PTPRG: variants seen among roughly 807,000 people sequenced by gnomAD.
PTPRG encodes the protein protein tyrosine phosphatase receptor type G, also known as receptor-type tyrosine-protein phosphatase gamma.
A neutral mutation model predicts 165.3 loss-of-function variants in PTPRG; 102 were observed. The ratio of observed to expected loss-of-function variants is 0.62; its 90% CI spans 0.53 to 0.73. The LOEUF is 0.73. PTPRG is among the 30% of genes least tolerant of loss of function. The pLI, the probability that PTPRG is intolerant of heterozygous loss-of-function variation, is 0.00. For synonymous variants in PTPRG, 675 were observed against 669.5 expected (o/e 1.01, Z -0.13); for missense variants, 1,866 against 1,861.4 (o/e 1.00, Z -0.05).
At chr3:62,114,363 A>C (rs1234556777) in intron 5 of PTPRG, among the ~76,000 whole-genome samples, 1 of 152,158 alleles carries the variant, frequency 6.6e-6, no homozygotes, top group Non-Finnish European at 1.5e-5. Context: ...ACTCAGTTTT[A>C]ATTTTGAAAG....
intron 1 of PTPRG, among the ~76,000 whole-genome samples, chr3:61,619,293 A>C (rs902638594): frequency 6.6e-6 from 1 of 152,174 alleles, no homozygotes; most frequent in African/African-American, 2.4e-5. Context: ...ATGGAGTTCT[A>C]TATACATACA....
At chr3:62,081,917 C>T (rs1316747290) in intron 5 of PTPRG, among the ~76,000 whole-genome samples, 1 of 152,168 alleles carries the variant, frequency 6.6e-6, no homozygotes, top group Non-Finnish European at 1.5e-5. Flanking sequence ...CTATTCGATG[C>T]CAGGAGTGGT....
chr3:61,737,884 T>C (rs1461830402), intron 1 of PTPRG, among the ~76,000 whole-genome samples: 1 of 150,892 alleles, frequency 6.6e-6, no homozygotes, highest in Non-Finnish European at 1.5e-5. Context: ...CACATTTTGC[T>C]AGAGGTTGTG....
At chr3:61,736,977 C>CCTGAAGGATCCTGACTTGGTGCAT (rs1217590415) in intron 1 of PTPRG, among the ~76,000 whole-genome samples, 21 of 152,250 alleles carry the variant, frequency 1.4e-4, no homozygotes, top group Non-Finnish European at 2.4e-4. Context: ...CCTTTAAGGT[C>CCTGAAGGATCCTGACTTGGTGCAT]CTGAAGGATC....
In PTPRG at chr3:61,779,103, A is replaced by G. The variant is rs532443263; in HGVS notation, c.190+30121A>G. Among the ~76,000 whole-genome samples, 121 of 152,268 alleles carry G rather than the reference A, an allele frequency of 7.9e-4. 1 individual carries two copies. The South Asian group carries it at 9.3e-3, about 12-fold the overall frequency. On this transcript the variant is annotated intron_variant, in intron 2 of 29. Coordinates refer to ENST00000474889, the MANE Select transcript of PTPRG (RefSeq NM_002841.4). ...ACGTTCTAAGGGAGGGAAGTTTGCA[A>G]AATTTTAGTTTACCTTTGAAGTTAC...
intron 2 of PTPRG, among the ~76,000 whole-genome samples, chr3:61,964,229 G>T (rs553184897): frequency 1.3e-5 from 2 of 152,204 alleles, no homozygotes; most frequent in Non-Finnish European, 2.9e-5. Flanking sequence ...TCACTAAAGT[G>T]GTTTGGAGAC....
chr3:61,726,988 A>G (rs2032288953), intron 1 of PTPRG, among the ~76,000 whole-genome samples: 1 of 151,186 alleles, frequency 6.6e-6, no homozygotes, highest in African/African-American at 2.4e-5. Flanking sequence ...CGGAGCTTGC[A>G]GTGAGCCGAG....
intron 1 of PTPRG, among the ~76,000 whole-genome samples, chr3:61,572,707 T>A (rs1700084955): frequency 6.6e-6 from 1 of 152,082 alleles, no homozygotes; most frequent in South Asian, 2.1e-4. Flanking sequence ...GTGGGGTTAC[T>A]CTTGAAAAAT....
chr3:61,741,887 A>G (rs2033001110), intron 1 of PTPRG, among the ~76,000 whole-genome samples: 1 of 152,216 alleles, frequency 6.6e-6, no homozygotes, highest in African/African-American at 2.4e-5. Context: ...ACAGTAAGAC[A>G]TTCATTGTAC....
chr3:62,059,119 T>A (rs911624293), intron 4 of PTPRG, among the ~76,000 whole-genome samples: 12 of 152,316 alleles, frequency 7.9e-5, no homozygotes, highest in Middle Eastern at 3.4e-3. Context: ...AGCAGTTTCT[T>A]AACCTTCCTA....
At chr3:62,265,908 C>T (rs1701858010) in intron 17 of PTPRG, among the ~76,000 whole-genome samples, 1 of 150,984 alleles carries the variant, frequency 6.6e-6, no homozygotes, top group East Asian at 1.9e-4. Context: ...CACACACACA[C>T]ACACACACAC....
intron 4 of PTPRG, among the ~76,000 whole-genome samples, chr3:62,023,568 C>T (rs533869671): frequency 2.6e-5 from 4 of 152,140 alleles, no homozygotes; most frequent in African/African-American, 9.7e-5. Flanking sequence ...ACTTTCCTCT[C>T]TAGCCATCAT....
chr3:61,602,164 A>G (rs1434167951), intron 1 of PTPRG, among the ~76,000 whole-genome samples: 1 of 151,412 alleles, frequency 6.6e-6, no homozygotes, highest in Admixed American at 6.6e-5. Flanking sequence ...TTTTTTTTTA[A>G]ATTTTTAATT....
At chr3:61,621,615 T>C (rs1379227590) in intron 1 of PTPRG, among the ~76,000 whole-genome samples, 1 of 152,234 alleles carries the variant, frequency 6.6e-6, no homozygotes, top group Non-Finnish European at 1.5e-5. Flanking sequence ...TCTTCCTTTA[T>C]TCGTGCCAGG....
At chr3:62,180,743 C>T (rs1705614075) in intron 8 of PTPRG, among the ~76,000 whole-genome samples, 1 of 152,166 alleles carries the variant, frequency 6.6e-6, no homozygotes, top group Non-Finnish European at 1.5e-5. Flanking sequence ...CTTTCCTGCA[C>T]AGGACATGGA....
chr3:61,812,398 A>C (rs1209948339), intron 2 of PTPRG, among the ~76,000 whole-genome samples: 1 of 152,122 alleles, frequency 6.6e-6, no homozygotes, highest in Non-Finnish European at 1.5e-5. Flanking sequence ...GTATGTAATA[A>C]TCTTTCACAC....
rs549634527 is a variant in PTPRG, at chr3:61,643,624, A to G, written c.85+81252A>G. 6.4e-4 allele frequency among the ~76,000 whole-genome samples: 98 copies of G among 152,284 alleles called. 1 individual carries two copies. The highest frequency in any genetic ancestry group is 2.3e-3 in the African/African-American group (94 of 41,568). On this transcript the variant is annotated intron_variant, in intron 1 of 29. Transcript: ENST00000474889. ...TGAAACCCCCATCTCTACTAAAAAT[A>G]CAAAAATTAGCTGGGAATGGTGGCG... is the stretch of plus-strand genomic sequence containing the variant.
At chr3:61,947,407 G>C (rs1056474802) in intron 2 of PTPRG, among the ~76,000 whole-genome samples, 1 of 152,170 alleles carries the variant, frequency 6.6e-6, no homozygotes, top group African/African-American at 2.4e-5. Context: ...GGTTCTGACC[G>C]GTGCCAGGGC....
Position 62,255,792 on chromosome 3 carries a change from G to A in PTPRG, c.2559+577G>A, listed in dbSNP as rs1701524326. 1.3e-5 allele frequency among the ~76,000 whole-genome samples: 2 copies of A among 152,178 alleles called. No individual in the cohort carries two copies. Among genetic ancestry groups the A allele is most frequent in the Non-Finnish European group, 2.9e-5 (2 of 68,032 alleles). On this transcript the variant is annotated intron_variant, in intron 16 of 29. Transcript: ENST00000474889. The surrounding 1 kb of genome is among the most constrained non-coding windows in gnomAD (Gnocchi z 4.0). Reference sequence around the variant, plus strand: ...CATTGTTAAGAACCATGCAAAGGTTGACTGTTGTTGTTTTCATGATTATTA... The same window carrying A: ...CATTGTTAAGAACCATGCAAAGGTTAACTGTTGTTGTTTTCATGATTATTA...
Sources: gnomAD v4.1 joint callset for allele counts (sites outside exome capture counted in the v4.1 genomes callset) on GRCh38, gnomAD v4.1.1 for gene constraint, Gnocchi (gnomAD v3.1) non-coding constraint, MANE v1.5 for transcripts, NCBI Gene and HGNC (gene_info 2026-07-23, HGNC 2026-07-21) for gene names.